Variants in SSH2 observed in about 807,000 individuals in gnomAD.
SSH2 encodes protein phosphatase Slingshot homolog 2.
In SSH2, 37 loss-of-function variants were observed where a neutral mutation model predicts 135.2. The observed-to-expected ratio is 0.27, with a 90% CI of 0.21 to 0.36. The LOEUF is 0.36. SSH2 is among the 10% of genes least tolerant of loss of function. The pLI, the probability that SSH2 is intolerant of heterozygous loss-of-function variation, is 1.00. For synonymous variants in SSH2, 628 were observed against 646.2 expected, an observed-to-expected ratio of 0.97 and a Z score of 0.43; for missense variants, 1,408 against 1,765.3, an observed-to-expected ratio of 0.80 and a Z score of 3.63.
chr17:29,823,792 T>C (rs1024926396), intron 2 of SSH2, among the ~76,000 whole-genome samples: 2 of 151,032 alleles, frequency 1.3e-5, no homozygotes, highest in African/African-American at 4.9e-5. Flanking sequence ...AGTAGGAGAA[T>C]TGCTTGAACC....
intron 3 of SSH2, among the ~76,000 whole-genome samples, chr17:29,746,093 A>G (rs1325031606): frequency 6.6e-6 from 1 of 152,192 alleles, no homozygotes; most frequent in Non-Finnish European, 1.5e-5. Flanking sequence ...GATTAACACA[A>G]TGATAGATAT....
At chr17:29,697,669 CA>C (rs1355378011) in intron 4 of SSH2, among the ~76,000 whole-genome samples, 3 of 152,058 alleles carry the variant, frequency 2.0e-5, no homozygotes, top group Non-Finnish European at 2.9e-5. Context: ...AAAAACCAAA[CA>C]ACTCCCCCAC....
At chr17:29,648,936 C>G (rs915854180) in intron 13 of SSH2, among the ~76,000 whole-genome samples, 15 of 152,236 alleles carry the variant, frequency 9.9e-5, no homozygotes, top group Middle Eastern at 3.4e-3. Context: ...GTCAGGAGTT[C>G]AAGACCAACC....
chr17:29,696,124 C>A (rs3102558), intron 4 of SSH2, among the ~76,000 whole-genome samples: 59,084 of 148,644 alleles, frequency 0.4, 14,238 homozygotes, highest in East Asian at 0.69. Flanking sequence ...CTCGCTGTCA[C>A]CCACGCTGGA....
intron 11 of SSH2, among the ~76,000 whole-genome samples, chr17:29,656,742 CT>C (rs776980779): frequency 1.3e-5 from 2 of 152,098 alleles, no homozygotes; most frequent in African/African-American, 4.8e-5. Context: ...CTTTTTCCCC[CT>C]GAACCATCTG....
At chr17:29,710,534 T>A (rs2039395940) in intron 3 of SSH2, among the ~76,000 whole-genome samples, 3 of 152,350 alleles carry the variant, frequency 2.0e-5, no homozygotes, top group Admixed American at 6.5e-5. Flanking sequence ...ATTTTTCTCC[T>A]CCTGATAAGC....
intron 3 of SSH2, among the ~76,000 whole-genome samples, chr17:29,748,904 T>C (rs557351043): frequency 1.3e-5 from 2 of 152,286 alleles, no homozygotes; most frequent in Admixed American, 6.5e-5. Context: ...CCTTAAATAT[T>C]TGTAAACCAA....
intron 2 of SSH2, among the ~76,000 whole-genome samples, chr17:29,833,315 T>C (rs763710264): frequency 6.6e-6 from 1 of 152,220 alleles, no homozygotes; most frequent in African/African-American, 2.4e-5. Flanking sequence ...TCTTGCTGAA[T>C]TAATTCCTTT....
chr17:29,749,976 C>A (rs1210080238), intron 3 of SSH2, among the ~76,000 whole-genome samples: 3 of 152,076 alleles, frequency 2.0e-5, no homozygotes, highest in African/African-American at 7.2e-5. Context: ...AAGTGATCTG[C>A]TCACCTTGGC....
intron 3 of SSH2, among the ~76,000 whole-genome samples, chr17:29,727,240 T>G (rs1360135791): frequency 1.3e-5 from 2 of 152,196 alleles, no homozygotes; most frequent in Non-Finnish European, 2.9e-5. Context: ...AAGTTCAGTT[T>G]CCTGAACACA....
At chr17:29,809,540 C>T (rs749682395) in intron 2 of SSH2, among the ~76,000 whole-genome samples, 5 of 151,914 alleles carry the variant, frequency 3.3e-5, no homozygotes, top group Non-Finnish European at 7.4e-5. Flanking sequence ...CTTTTGCTTG[C>T]CTACTTCTAT....
At chr17:29,649,471 C>T (rs969941221) in intron 13 of SSH2, among the ~76,000 whole-genome samples, 3 of 152,022 alleles carry the variant, frequency 2.0e-5, no homozygotes, top group South Asian at 4.1e-4. Context: ...CAGCCTCAAC[C>T]TCATGGGCTC....
At chr17:29,785,657 G>A (rs2041943552) in intron 3 of SSH2, among the ~76,000 whole-genome samples, 3 of 151,650 alleles carry the variant, frequency 2.0e-5, no homozygotes, top group East Asian at 3.9e-4. Context: ...GTGCCATCAC[G>A]CTCAACTAAT....
In SSH2 at chr17:29,773,673, AT is replaced by A. The variant is rs889772122; in HGVS notation, c.188+20220del. 3.3e-5 allele frequency among the ~76,000 whole-genome samples: 5 copies of A among 152,086 alleles called. No homozygotes were observed. In the South Asian group the frequency reaches 6.2e-4, roughly 19 times the overall value. The stretch of plus-strand genomic sequence containing the variant: ...GGCAGTTTGAGAGATCATTTGGGTT[AT>A]TTTTTTTATTTATTTATTTTTAGAT... On this transcript the variant is annotated intron_variant, in intron 3 of 15. Coordinates refer to ENST00000540801, the MANE Select transcript of SSH2 (RefSeq NM_001282129.2).
At chr17:29,761,081 G>A in intron 3 of SSH2, 1 of 1,280,742 alleles carries the variant, frequency 7.8e-7, no homozygotes. Context: ...AGGATGCTGG[G>A]GAAAGCGGCT....
intron 1 of SSH2, among the ~76,000 whole-genome samples, chr17:29,894,520 T>C (rs1000725271): frequency 6.6e-6 from 1 of 152,134 alleles, no homozygotes. Context: ...CCTACTTCGA[T>C]GTAAATACTA....
intron 1 of SSH2, among the ~76,000 whole-genome samples, chr17:29,912,760 C>A (rs139838705): frequency 6.6e-6 from 1 of 152,090 alleles, no homozygotes; most frequent in Non-Finnish European, 1.5e-5. Context: ...CAAAAAATAT[C>A]AAAAGATTTC....
At chr17:29,778,835 C>CAAAAAA (rs60595591) in intron 3 of SSH2, among the ~76,000 whole-genome samples, 4 of 37,868 alleles carry the variant, frequency 1.1e-4, no homozygotes, top group African/African-American at 2.2e-4. Context: ...CTCCGTCTCC[C>CAAAAAA]AAAAAAAAAA....
At chr17:29,791,441 T>G (rs1194573718) in intron 3 of SSH2, among the ~76,000 whole-genome samples, 2 of 152,300 alleles carry the variant, frequency 1.3e-5, no homozygotes, top group East Asian at 3.9e-4. Flanking sequence ...TGGCCTTTAG[T>G]TTTAATGATA....
Sources: allele counts gnomAD v4.1 joint callset (sites outside exome capture counted in the v4.1 genomes callset), GRCh38; gene constraint gnomAD v4.1.1; transcripts MANE v1.5; gene names NCBI Gene and HGNC (gene_info 2026-07-23, HGNC 2026-07-21).